Variants in ABCA2 observed in about 807,000 individuals in gnomAD.
ABCA2 encodes ATP-binding cassette sub-family A member 2.
In ABCA2, 84 loss-of-function variants were observed where a neutral mutation model predicts 262.8. That is an observed-to-expected ratio of 0.32 (90% CI 0.27 to 0.38). The LOEUF is 0.38. ABCA2 is among the 10% of genes least tolerant of loss of function. The probability of loss-of-function intolerance (pLI) is 1.00; values close to 1 mark genes in which losing one functional copy is unlikely to be tolerated. For missense variants in ABCA2, 2,662 were observed against 3,405.9 expected, an observed-to-expected ratio of 0.78 and a Z score of 5.44; for synonymous variants, 1,696 against 1,502.9, an observed-to-expected ratio of 1.13 and a Z score of -2.97.
intron 22 of ABCA2, 29 bp downstream of exon 22, chr9:137,015,933 C>CAGGGGGGGGGGGGGGGGG: frequency 6.7e-7 from 1 of 1,500,314 alleles, no homozygotes; most frequent in Non-Finnish European, 9.0e-7. Context: ...CTCCGCCCAC[C>CAGGGGGGGGGGGGGGGGG]TGCCCCGCCC....
chr9:137,017,781 G>A lies in ABCA2; in HGVS notation c.2211+6C>T, dbSNP rs376185473. On this transcript the variant is annotated splice_donor_region_variant and intron_variant, in intron 16 of 48. Coordinates refer to ENST00000341511, the MANE Select transcript of ABCA2 (RefSeq NM_001606.5). ...GCGCCTCCAGGGAGAGTCCCGGCCC[G>A]CGCACCTCCTTGAGCCGGTGCTCCT... 1.4e-5 allele frequency: 22 copies of A among 1,612,118 alleles called. No individual in the cohort carries two copies. Among genetic ancestry groups the A allele is most frequent in the African/African-American group, 9.3e-5 (7 of 74,918 alleles).
rs201770997 is a variant in ABCA2 at position 137,020,354 on chromosome 9, G to A, written c.1407C>T (p.Val469=). The A allele has an allele frequency of 2.4e-5, 39 of 1,612,770 alleles. No individual in the cohort carries two copies. In the East Asian group the frequency reaches 2.5e-4, roughly 10 times the overall value. The change falls in exon 10 of 49, where the codon GTC becomes GTT. Residue 469 remains valine, a synonymous_variant. Coordinates refer to ENST00000341511, the MANE Select transcript of ABCA2 (RefSeq NM_001606.5). The part of the protein sequence containing the change: ...KILYAPAGSE[V]DRVILKANET... ...CGTGCACCTTGAGGATGACGCGGTC[G>A]ACCTCAGAGCCCGCAGGCGCGTACA...
At position 137,013,558 on chromosome 9, in the gene ABCA2, G is replaced by C; in HGVS notation, c.4453C>G (p.Leu1485Val). The change falls in exon 29 of 49, where the codon CTG (leucine) becomes GTG (valine). Residue 1485 changes from leucine (L) to valine (V), a missense_variant. By Grantham distance (32) the Leu-to-Val change is conservative. Coordinates refer to ENST00000341511, the MANE Select transcript of ABCA2 (RefSeq NM_001606.5). ...GAAGGTGACAGGACCAGCGGGGGCAGATCACCTGGCAGGGCGAGCAGGGAG... is the reference window on the plus strand; with the variant it reads ...GAAGGTGACAGGACCAGCGGGGGCACATCACCTGGCAGGGCGAGCAGGGAG... ...VALSVPEIGD[L>V]PPLVLSPSQY... 1 of 1,608,010 alleles carries C rather than the reference G, an allele frequency of 6.2e-7. No individual in the cohort carries two copies. The highest frequency in any genetic ancestry group is 1.3e-5 in the African/African-American group (1 of 75,056).
chr9:137,011,794 G>A lies in ABCA2; in HGVS notation c.5536-45C>T. On this transcript the variant is annotated intron_variant, in intron 35 of 48. Coordinates refer to ENST00000341511, the MANE Select transcript of ABCA2 (RefSeq NM_001606.5). The surrounding 1 kb of genome is among the most constrained non-coding windows in gnomAD (Gnocchi z 8.8). ...TGGTGAGAGACCCGGGGCAGGGCGG[G>A]GATGGGGGATGAGAAGGGCCGGGGC... is the stretch of plus-strand genomic sequence containing the variant. The A allele has an allele frequency of 6.4e-7, 1 of 1,551,406 alleles. No homozygotes were observed. Among genetic ancestry groups the A allele is most frequent in the Non-Finnish European group, 8.7e-7 (1 of 1,147,836 alleles).
At chr9:137,017,936 C>T (rs771817620) in intron 15 of ABCA2, 35 bp from the exon 16 acceptor site, 2 of 1,611,250 alleles carry the variant, frequency 1.2e-6, no homozygotes, top group South Asian at 2.2e-5. Flanking sequence ...CCACTCAGCC[C>T]CAGCCCCAGC....
rs752480341 is a variant in ABCA2 at position 137,014,970 on chromosome 9, G to C, written c.3825C>G (p.Leu1275=). ...CLLVSDTSTE[L]SYILPSEAAK... ...CGGCCTCGCTGGGCAGGATGTAGGA[G>C]AGCTCCGTGCTTGTGTCTGAGACCA... Residue 1275 remains leucine, a synonymous_variant, in exon 25 of 49, where the codon CTC becomes CTG. Coordinates refer to ENST00000341511, the MANE Select transcript of ABCA2 (RefSeq NM_001606.5). The C allele has an allele frequency of 1.9e-6, 3 of 1,578,332 alleles. No homozygotes were observed. The highest frequency in any genetic ancestry group is 4.5e-5 in the East Asian group (2 of 44,538).
In ABCA2 at chr9:137,009,008, C is replaced by G. The variant is rs763393431; in HGVS notation, c.6873G>C (p.Gln2291His). 1.2e-6 allele frequency: 2 copies of G among 1,609,346 alleles called. No homozygotes were observed. Among genetic ancestry groups the G allele is most frequent in the South Asian group, 2.2e-5 (2 of 91,080 alleles). Residue 2291 changes from glutamine to histidine, a missense_variant, in exon 46 of 49, where the codon CAG becomes CAC. Physicochemically the swap from Gln to His is conservative, Grantham distance 24. Around this residue, in one of 12 missense-constraint regions of ABCA2, gnomAD observed 212 missense variants for 214.4 expected, o/e 0.99. Transcript: ENST00000341511. ...YMITVRTKSS[Q>H]SVKDVVRFFN... ...AGAACCGCACCACGTCCTTCACACT[C>G]TGGCTGCTCTTGGTCCGCACCGTGA...
At position 137,017,998 on chromosome 9, in the gene ABCA2, G is replaced by C; in HGVS notation, c.2071C>G (p.Pro691Ala). ...TCATCGCGTGTGTAGCAGGGGTAGG[G>C]GAACATCTGCACGTAGCTGCCTGGC... ...VEPGSYVQMF[P>A]YPCYTRDDFL... The change falls in exon 15 of 49, where the codon CCC becomes GCC. Residue 691 changes from proline (P) to alanine (A), a missense_variant. By Grantham distance (27) the Pro-to-Ala change is conservative. Around this residue, in one of 12 missense-constraint regions of ABCA2, gnomAD observed 188 missense variants for 343.4 expected, o/e 0.55. Transcript: ENST00000341511. 1 of 1,612,784 alleles carries C rather than the reference G, an allele frequency of 6.2e-7. No individual in the cohort carries two copies. The highest frequency in any genetic ancestry group is 8.5e-7 in the Non-Finnish European group (1 of 1,179,968).
chr9:137,021,206 C>G lies in ABCA2; in HGVS notation c.898-145G>C. 7.4e-7 allele frequency: 1 copy of G among 1,347,528 alleles called. No homozygotes were observed. The highest frequency in any genetic ancestry group is 9.8e-7 in the Non-Finnish European group (1 of 1,017,690). 83.5% of individuals were successfully genotyped at this position (1,347,528 alleles called of 1,614,324 possible). A position where few individuals can be genotyped will look rare whatever the true frequency, so the allele number is the denominator to read the frequency against. On this transcript the variant is annotated intron_variant, in intron 8 of 48. Transcript: ENST00000341511. The surrounding 1 kb of genome is among the most constrained non-coding windows in gnomAD (Gnocchi z 6.0). Reference sequence around the variant, plus strand: ...GTCTGCAGCCTGGGTAACGGGAGCCCAGGACAGGAGCTGGGATGGTGAGCA... The same window carrying G: ...GTCTGCAGCCTGGGTAACGGGAGCCGAGGACAGGAGCTGGGATGGTGAGCA...
At position 137,020,778 on chromosome 9, in the gene ABCA2, G is replaced by A. The variant is rs1299733609; in HGVS notation, c.1181C>T (p.Ala394Val). 6.3e-7 allele frequency: 1 copy of A among 1,593,936 alleles called. No individual in the cohort carries two copies. Among genetic ancestry groups the A allele is most frequent in the Non-Finnish European group, 8.5e-7 (1 of 1,172,788 alleles). ...CTGGCCCTGCAGCGTGTCCGGGGTG[G>A]CCAGTGCTGCAGCAGAGGGTGCGCC... ...EEGAPSAAAL[A>V]TPDTLQGQCS... Residue 394 changes from alanine (A) to valine (V), a missense_variant, in exon 9 of 49, where the codon GCC becomes GTC. Ala to Val is a moderately conservative substitution (Grantham distance 64). This residue lies in a region of ABCA2 where 403 missense variants were observed against 375.9 expected (regional missense o/e 1.07). Coordinates refer to ENST00000341511, the MANE Select transcript of ABCA2 (RefSeq NM_001606.5).
Position 137,020,756 on chromosome 9 carries a change from G to T in ABCA2, c.1203C>A (p.Gly401=). The change falls in exon 9 of 49, where the codon GGC becomes GGA. Residue 401 remains glycine, a synonymous_variant. Coordinates refer to ENST00000341511, the MANE Select transcript of ABCA2 (RefSeq NM_001606.5). ...AALATPDTLQ[G]QCSAFVQLWA... ...AGAGCTGTACGAAGGCTGAGCACTG[G>T]CCCTGCAGCGTGTCCGGGGTGGCCA... 6.2e-7 allele frequency: 1 copy of T among 1,600,410 alleles called. No individual in the cohort carries two copies.
At position 137,014,032 on chromosome 9, in the gene ABCA2, T is replaced by G; in HGVS notation, c.4247A>C (p.Glu1416Ala). 1 of 1,610,644 alleles carries G rather than the reference T, an allele frequency of 6.2e-7. No individual in the cohort carries two copies. The highest frequency in any genetic ancestry group is 2.2e-5 in the East Asian group (1 of 44,852). ...DPDNVSLQEV[E>A]AEALSRVGQG... is the part of the protein sequence containing the mutation. Reference sequence around the variant, plus strand: ...GCCGACCCTCGACAGGGCCTCTGCCTCCACCTCTGTGCAGAGAGGTAGAGG... The same window carrying G: ...GCCGACCCTCGACAGGGCCTCTGCCGCCACCTCTGTGCAGAGAGGTAGAGG... Residue 1416 changes from glutamate (E) to alanine (A), a missense_variant, in exon 28 of 49, where the codon GAG (glutamate) becomes GCG (alanine). By Grantham distance (107) the Glu-to-Ala change is moderately radical. This residue lies in a region of ABCA2 where 297 missense variants were observed against 286.5 expected (regional missense o/e 1.04). Transcript: ENST00000341511.
rs549901523 is a variant in ABCA2, at chr9:137,018,323, G to A, written c.1848C>T (p.Gly616=). ...ASVIFQTRKD[G]SLPPHVHYKI... ...TGTAGTGCACGTGAGGCGGGAGCGA[G>A]CCGTCCTTCCGGGTCTGGAAGATCA... Residue 616 remains glycine, a synonymous_variant, in exon 14 of 49, where the codon GGC becomes GGT. Transcript: ENST00000341511. 1.2e-6 allele frequency: 2 copies of A among 1,600,732 alleles called. No individual in the cohort carries two copies. The highest frequency in any genetic ancestry group is 2.2e-5 in the South Asian group (2 of 90,434).
chr9:137,008,517 G>T lies in ABCA2; in HGVS notation c.7174C>A (p.Arg2392=). The stretch of plus-strand genomic sequence containing the variant: ...AGCTCCGTGGGGGCAGACCGGGGCC[G>T]GAGCAGGCTGAGCAAGCAGCCGAGA... ...SPLGCLLSLL[R]PRSAPTELRA... is the part of the protein sequence containing the mutation. The change falls in exon 48 of 49, where the codon CGG becomes AGG. Residue 2392 remains arginine, a synonymous_variant. Transcript: ENST00000341511. The T allele has an allele frequency of 8.2e-6, 13 of 1,591,676 alleles. No homozygotes were observed. The highest frequency in any genetic ancestry group is 1.1e-5 in the Non-Finnish European group (13 of 1,169,772).
Position 137,011,548 on chromosome 9 carries a change from G to A in ABCA2, c.5658C>T (p.Ser1886=). 1 of 1,581,542 alleles carries A rather than the reference G, an allele frequency of 6.3e-7. No homozygotes were observed. Among genetic ancestry groups the A allele is most frequent in the Non-Finnish European group, 8.6e-7 (1 of 1,163,990 alleles). ...VLSLFLLYGW[S]ITPIMYPASF... is the part of the protein sequence containing the mutation. ...AGGCCGGGTACATGATGGGCGTGAT[G>A]GACCACCTGCGGGCAGGTGGCGGGC... Residue 1886 remains serine (S), a synonymous_variant, in exon 37 of 49, where the codon TCC becomes TCT. Coordinates refer to ENST00000341511, the MANE Select transcript of ABCA2 (RefSeq NM_001606.5). This position sits in a 1 kb window ranked among gnomAD's most constrained non-coding sequence, Gnocchi z 8.8.
In ABCA2 at chr9:137,011,346, C is replaced by T. The variant is rs766698526; in HGVS notation, c.5800-37G>A. 48 of 1,600,534 alleles carry T rather than the reference C, an allele frequency of 3.0e-5. No individual in the cohort carries two copies. The highest frequency in any genetic ancestry group is 5.5e-5 in the South Asian group (5 of 90,226). ...CCGGGGTCAGGGGCACAGGGGTGGCCGGGGTGAGGGGCACAGCCTCCGCAG... is the reference window on the plus strand; with the variant it reads ...CCGGGGTCAGGGGCACAGGGGTGGCTGGGGTGAGGGGCACAGCCTCCGCAG... On this transcript the variant is annotated intron_variant, in intron 37 of 48. Transcript: ENST00000341511. This position sits in a 1 kb window ranked among gnomAD's most constrained non-coding sequence, Gnocchi z 8.8.
At position 137,010,336 on chromosome 9, in the gene ABCA2, G is replaced by T. The variant is rs770759670; in HGVS notation, c.6210C>A (p.Ala2070=). Residue 2070 remains alanine (A), a synonymous_variant, in exon 41 of 49, where the codon GCC becomes GCA. Coordinates refer to ENST00000341511, the MANE Select transcript of ABCA2 (RefSeq NM_001606.5). ...YKSRKIGRIL[A]VDRLCLGVRP... is the part of the protein sequence containing the mutation. ...GCACACCCAGGCACAGGCGGTCAAC[G>T]GCCAGGATACGGCCAATCTTCCGGG... is the stretch of plus-strand genomic sequence containing the variant. 6.3e-7 allele frequency: 1 copy of T among 1,583,894 alleles called. No individual in the cohort carries two copies. The highest frequency in any genetic ancestry group is 1.1e-5 in the South Asian group (1 of 86,988).
intron 45 of ABCA2, 107 bp downstream of exon 45, chr9:137,009,263 G>A (rs1471750567): frequency 1.9e-6 from 1 of 521,820 alleles, no homozygotes; most frequent in African/African-American, 2.7e-5. Context: ...CAGCCCCCCT[G>A]GCCCCACAGC....
At chr9:137,009,260 C>T (rs1564210538) in intron 45 of ABCA2, 110 bp downstream of exon 45, 1 of 1,012,364 alleles carries the variant, frequency 9.9e-7, no homozygotes, top group Non-Finnish European at 1.4e-6. Context: ...CCCCAGCCCC[C>T]CTGGCCCCAC....
Sources: allele counts gnomAD v4.1 joint callset, GRCh38; gene constraint gnomAD v4.1.1; regional missense constraint gnomAD v4.1.1; non-coding constraint Gnocchi (gnomAD v3.1); transcripts MANE v1.5; gene names NCBI Gene and HGNC (gene_info 2026-07-23, HGNC 2026-07-21).